ATE1: variants seen among roughly 807,000 people sequenced by gnomAD.
The protein encoded by ATE1 is arginyltransferase 1.
A neutral mutation model predicts 70.5 loss-of-function variants in ATE1; 36 were observed. The ratio of observed to expected loss-of-function variants is 0.51; its 90% CI spans 0.39 to 0.67. The LOEUF is 0.67. Among genes scored for constraint, ATE1 ranks in the 30% least tolerant of loss-of-function variants. The pLI is 0.00. For synonymous variants in ATE1, 232 were observed against 219.3 expected, an observed-to-expected ratio of 1.06 and a Z score of -0.51; for missense variants, 593 against 629.5, an observed-to-expected ratio of 0.94 and a Z score of 0.62.
chr10:121,873,505 C>A (rs1010032218), intron 7 of ATE1, among the ~76,000 whole-genome samples: 52 of 152,020 alleles, frequency 3.4e-4, no homozygotes, highest in Non-Finnish European at 1.2e-4. Flanking sequence ...GCACTTAATG[C>A]TTACCAAAAT....
intron 7 of ATE1, among the ~76,000 whole-genome samples, chr10:121,885,824 T>A (rs922689102): frequency 6.6e-6 from 1 of 152,056 alleles, no homozygotes; most frequent in African/African-American, 2.4e-5. Context: ...CGCTTGAACC[T>A]GGGAGGTGGT....
At chr10:121,789,409 C>T (rs1312640245) in intron 11 of ATE1, among the ~76,000 whole-genome samples, 1 of 147,186 alleles carries the variant, frequency 6.8e-6, no homozygotes, top group African/African-American at 2.5e-5. Context: ...AGCGATTCTC[C>T]TGCCTCAGCC....
chr10:121,861,857 A>G (rs1205806384), intron 8 of ATE1, among the ~76,000 whole-genome samples: 1 of 152,228 alleles, frequency 6.6e-6, no homozygotes, highest in Admixed American at 6.5e-5. Flanking sequence ...AGGGTTAACA[A>G]CAACAATGTA....
intron 11 of ATE1, 105 bp downstream of exon 11, chr10:121,790,064 A>G: frequency 6.7e-7 from 1 of 1,482,356 alleles, no homozygotes; most frequent in Non-Finnish European, 9.2e-7. Flanking sequence ...AGCATACTCT[A>G]TAATATACAA....
chr10:121,781,894 G>A (rs950495111), intron 11 of ATE1, among the ~76,000 whole-genome samples: 27 of 152,104 alleles, frequency 1.8e-4, no homozygotes, highest in African/African-American at 5.6e-4. Context: ...AGGAAAATAC[G>A]TTTCTTACAA....
At chr10:121,828,349 A>G (rs1219554362) in intron 10 of ATE1, among the ~76,000 whole-genome samples, 2 of 152,270 alleles carry the variant, frequency 1.3e-5, no homozygotes, top group Non-Finnish European at 2.9e-5. Context: ...GCCTTAAACA[A>G]TAACTTATTA....
intron 10 of ATE1, among the ~76,000 whole-genome samples, chr10:121,832,273 T>C (rs1407536621): frequency 6.6e-6 from 1 of 152,222 alleles, no homozygotes; most frequent in African/African-American, 2.4e-5. Context: ...AACCATTTTA[T>C]TCAGAATAAA....
intron 11 of ATE1, among the ~76,000 whole-genome samples, chr10:121,783,444 A>G (rs1181610614): frequency 1.3e-5 from 2 of 152,124 alleles, no homozygotes; most frequent in Admixed American, 1.3e-4. Flanking sequence ...TGGTTCTGCT[A>G]TATTAAGATT....
At chr10:121,919,977 A>G (rs1248482471) in intron 3 of ATE1, among the ~76,000 whole-genome samples, 2 of 152,158 alleles carry the variant, frequency 1.3e-5, no homozygotes, top group Non-Finnish European at 1.5e-5. Context: ...CGACTTCTCA[A>G]AATGGTTTGC....
intron 11 of ATE1, among the ~76,000 whole-genome samples, chr10:121,776,724 G>GT (rs1241483829): frequency 1.3e-5 from 2 of 152,260 alleles, no homozygotes; most frequent in Admixed American, 6.5e-5. Flanking sequence ...TTTCAGCTGT[G>GT]TAAGTGTGCA....
chr10:121,833,292 A>G (rs1045596918), intron 10 of ATE1, among the ~76,000 whole-genome samples: 1 of 143,786 alleles, frequency 7.0e-6, no homozygotes, highest in Admixed American at 6.6e-5. Flanking sequence ...ATGCTCAACA[A>G]ATCTTTGTTA....
chr10:121,905,385 G>A (rs1027858349), intron 5 of ATE1, among the ~76,000 whole-genome samples: 16 of 151,996 alleles, frequency 1.1e-4, no homozygotes, highest in African/African-American at 3.9e-4. Flanking sequence ...AAATTTATAA[G>A]CAAATTTAAA....
At position 121,743,743 on chromosome 10, in the gene ATE1, A is replaced by G; in HGVS notation, c.1494T>C (p.Val498=). 1 of 1,614,136 alleles carries G rather than the reference A, an allele frequency of 6.2e-7. No individual in the cohort carries two copies. Among genetic ancestry groups the G allele is most frequent in the African/African-American group, 1.3e-5 (1 of 75,042 alleles). The change falls in exon 12 of 12, where the codon GTT becomes GTC. Residue 498 remains valine (V), a synonymous_variant. Transcript: ENST00000224652. ...QQKDPSEEAA[V]LQYASLVGQK... is the part of the protein sequence containing the mutation. Reference sequence around the variant, plus strand: ...GCCCCACCAGGCTGGCGTACTGCAGAACAGCAGCCTCCTCACTTGGGTCTT... The same window carrying G: ...GCCCCACCAGGCTGGCGTACTGCAGGACAGCAGCCTCCTCACTTGGGTCTT...
chr10:121,777,700 T>C (rs898416619), intron 11 of ATE1, among the ~76,000 whole-genome samples: 3 of 152,254 alleles, frequency 2.0e-5, no homozygotes, highest in Non-Finnish European at 4.4e-5. Context: ...AGATTTTCTA[T>C]GTAAACAATA....
chr10:121,761,124 C>A (rs1490944430), intron 11 of ATE1, among the ~76,000 whole-genome samples: 1 of 152,202 alleles, frequency 6.6e-6, no homozygotes, highest in African/African-American at 2.4e-5. Context: ...GTGATCCCTG[C>A]ACATGCCATG....
chr10:121,759,370 C>T (rs373296676), intron 11 of ATE1, among the ~76,000 whole-genome samples: 1 of 152,072 alleles, frequency 6.6e-6, no homozygotes, highest in African/African-American at 2.4e-5. Flanking sequence ...GAAGAAAAGG[C>T]GGAAGCTAGG....
chr10:121,910,168 T>G (rs564877710), intron 5 of ATE1, among the ~76,000 whole-genome samples: 1 of 152,338 alleles, frequency 6.6e-6, no homozygotes, highest in Admixed American at 6.5e-5. Context: ...ATGGAGAATT[T>G]TCTCTACTTT....
chr10:121,764,144 G>C (rs1945175267), intron 11 of ATE1, among the ~76,000 whole-genome samples: 1 of 151,970 alleles, frequency 6.6e-6, no homozygotes, highest in African/African-American at 2.4e-5. Flanking sequence ...GGGGCTCAGG[G>C]AAGGGCGACG....
intron 11 of ATE1, among the ~76,000 whole-genome samples, chr10:121,773,637 T>A (rs1365484248): frequency 6.6e-6 from 1 of 151,596 alleles, no homozygotes; most frequent in Non-Finnish European, 1.5e-5. Context: ...ACTTTTTTTT[T>A]AAAGTCTTGA....
Sources: gnomAD v4.1 joint callset for allele counts (sites outside exome capture counted in the v4.1 genomes callset) on GRCh38, gnomAD v4.1.1 for gene constraint, MANE v1.5 for transcripts, NCBI Gene and HGNC (gene_info 2026-07-23, HGNC 2026-07-21) for gene names.